The following OR3A2 variants were observed in gnomAD, a reference collection of about 807,000 sequenced individuals.
OR3A2 encodes olfactory receptor family 3 subfamily A member 2, also known as olfactory receptor 3A2.
For synonymous variants in OR3A2, 126 were observed against 159.3 expected (o/e 0.79, Z 1.57); for missense variants, 318 against 392.8 (o/e 0.81, Z 1.61).
At chr17:3,370,541 TATTTC>T (rs2049604737) in intron 2 of OR3A2, among the ~76,000 whole-genome samples, 2 of 152,244 alleles carry the variant, frequency 1.3e-5, no homozygotes, top group Non-Finnish European at 2.9e-5. Context: ...TGATCTTTGT[TATTTC>T]TTTTCTTCTG....
chr17:3,282,361 G>A (rs112336530), intron 1 of OR3A2, among the ~76,000 whole-genome samples: 27,503 of 152,070 alleles, frequency 0.18, 3,113 homozygotes, highest in African/African-American at 0.3. Flanking sequence ...AGCTGAGATC[G>A]CGCCACTGCA....
chr17:3,366,983 C>T (rs1011640817), intron 2 of OR3A2, among the ~76,000 whole-genome samples: 9 of 152,210 alleles, frequency 5.9e-5, no homozygotes, highest in Non-Finnish European at 1.2e-4. Context: ...TACCTTGAGA[C>T]TGGTGTAGGC....
At chr17:3,368,479 T>C (rs1597361130) in intron 2 of OR3A2, among the ~76,000 whole-genome samples, 1 of 152,216 alleles carries the variant, frequency 6.6e-6, no homozygotes, top group Non-Finnish European at 1.5e-5. Context: ...CAGCACCATT[T>C]GTTGAATAGG....
At chr17:3,330,820 A>T (rs4790466) in intron 3 of OR3A2, among the ~76,000 whole-genome samples, 6 of 151,554 alleles carry the variant, frequency 4.0e-5, no homozygotes, top group African/African-American at 1.5e-4. Flanking sequence ...ATGGTCTTTA[A>T]ATTTTGGCAT....
At chr17:3,347,450 T>C (rs1406820280) in intron 2 of OR3A2, among the ~76,000 whole-genome samples, 1 of 152,176 alleles carries the variant, frequency 6.6e-6, no homozygotes, top group African/African-American at 2.4e-5. Context: ...TGTGTCCATG[T>C]GTTCTCATAG....
At chr17:3,330,435 C>T (rs2049220658) in intron 3 of OR3A2, among the ~76,000 whole-genome samples, 1 of 151,860 alleles carries the variant, frequency 6.6e-6, no homozygotes. Context: ...GTTAGCTCTT[C>T]TTGTTGAATT....
At chr17:3,279,224 T>C in intron 1 of OR3A2, 71 bp from the exon 4 acceptor site, 1 of 463,596 alleles carries the variant, frequency 2.2e-6, no homozygotes, top group Non-Finnish European at 3.8e-6. Context: ...AGATTACAGC[T>C]GTCCTCGCCA....
At chr17:3,360,191 ATG>A (rs1742133688) in intron 2 of OR3A2, among the ~76,000 whole-genome samples, 1 of 151,668 alleles carries the variant, frequency 6.6e-6, no homozygotes, top group African/African-American at 2.4e-5. Flanking sequence ...ACATTTTTTC[ATG>A]TGTCTGTTGG....
At position 3,370,572 on chromosome 17, in the gene OR3A2, G is replaced by A. The variant is rs150905129; in HGVS notation, c.-179+13232C>T. Among the ~76,000 whole-genome samples, 587 of 150,592 alleles carry A rather than the reference G, an allele frequency of 3.9e-3. 5 individuals carry two copies. Among genetic ancestry groups the A allele is most frequent in the African/African-American group, 0.014 (559 of 41,154 alleles). ...TTTTCTTCTGCTGGGTTTGGGTTTC[G>A]TTTGTTCTTGTTTCTCTAGTTCCTT... On this transcript the variant is annotated intron_variant, in intron 2 of 4. Transcript: ENST00000573491.
chr17:3,383,950 G>C (rs1350332231), intron 1 of OR3A2: 12 of 101,280 alleles, frequency 1.2e-4, no homozygotes, highest in South Asian at 3.8e-4. Flanking sequence ...AATATTTATT[G>C]AATAAATATT....
At chr17:3,291,670 A>G in intron 3 of OR3A2, 1 of 1,607,078 alleles carries the variant, frequency 6.2e-7, no homozygotes. Flanking sequence ...AGCATCCTCC[A>G]GATGGCACTC....
chr17:3,314,678 T>A (rs554652386), intron 3 of OR3A2, among the ~76,000 whole-genome samples: 11 of 152,302 alleles, frequency 7.2e-5, no homozygotes, highest in African/African-American at 2.6e-4. Context: ...TTTTAAAAAA[T>A]TAAATACATA....
chr17:3,329,202 G>C (rs1237905373), intron 3 of OR3A2, among the ~76,000 whole-genome samples: 1 of 151,822 alleles, frequency 6.6e-6, no homozygotes, highest in Non-Finnish European at 1.5e-5. Context: ...CCCGGCTTTG[G>C]TATCAGAATG....
intron 3 of OR3A2, among the ~76,000 whole-genome samples, chr17:3,321,685 T>C (rs1281132612): frequency 6.6e-6 from 1 of 152,236 alleles, no homozygotes. Context: ...ATTACATTTA[T>C]TGATTGGCAT....
At position 3,292,020 on chromosome 17, in the gene OR3A2, A is replaced by T. The variant is rs531008041; in HGVS notation, c.-84-12867T>A. 49 of 1,614,234 alleles carry T rather than the reference A, an allele frequency of 3.0e-5. No homozygotes were observed. The East Asian group carries it at 1.1e-3, about 35-fold the overall frequency. On this transcript the variant is annotated intron_variant, in intron 3 of 4. Transcript: ENST00000573491. ...TTGGGTGCTGGAGCAGGAGAGCTGG[A>T]AGAGCTGTGGGAGGTCACAGTAGAA...
intron 3 of OR3A2, among the ~76,000 whole-genome samples, chr17:3,312,124 A>G (rs73979520): frequency 0.017 from 2,629 of 152,280 alleles, 81 homozygotes; most frequent in African/African-American, 0.059. Flanking sequence ...TAGGTGAGAG[A>G]GTATCTAAGT....
At chr17:3,319,662 G>T (rs1003875927) in intron 3 of OR3A2, among the ~76,000 whole-genome samples, 2 of 152,140 alleles carry the variant, frequency 1.3e-5, no homozygotes, top group African/African-American at 4.8e-5. Context: ...TGCTGAGAAT[G>T]ATGGTTTCCA....
rs776576015 is a variant in OR3A2 at position 3,292,018 on chromosome 17, G to C, written c.-84-12865C>G. 1.1e-5 allele frequency: 17 copies of C among 1,614,224 alleles called. No homozygotes were observed. In the South Asian group the frequency reaches 1.5e-4, roughly 15 times the overall value. On this transcript the variant is annotated intron_variant, in intron 3 of 4. Coordinates refer to the OR3A2 transcript ENST00000573491. The stretch of plus-strand genomic sequence containing the variant: ...AGTTGGGTGCTGGAGCAGGAGAGCT[G>C]GAAGAGCTGTGGGAGGTCACAGTAG...
intron 3 of OR3A2, among the ~76,000 whole-genome samples, chr17:3,296,866 A>C (rs532784120): frequency 1.4e-4 from 21 of 152,344 alleles, no homozygotes; most frequent in African/African-American, 4.8e-4. Flanking sequence ...AATTGTGTTA[A>C]ACTTTCAAGG....
Sources: gnomAD v4.1 joint callset for allele counts (sites outside exome capture counted in the v4.1 genomes callset) on GRCh38, gnomAD v4.1.1 for gene constraint, MANE v1.5 for transcripts, NCBI Gene and HGNC (gene_info 2026-07-23, HGNC 2026-07-21) for gene names.